KCNB2: variants seen among roughly 807,000 people sequenced by gnomAD.
KCNB2 encodes the protein delayed rectifier potassium channel protein.
KCNB2 carries 15 observed loss-of-function variants against 61.5 expected under a neutral mutation model. The observed-to-expected ratio is 0.24, with a 90% confidence interval of 0.16 to 0.38. KCNB2 has a LOEUF of 0.38. KCNB2 is among the 10% of genes least tolerant of loss of function. The pLI is 1.00. For missense variants in KCNB2, 828 were observed against 1,125.2 expected, an observed-to-expected ratio of 0.74 and a Z score of 3.78; for synonymous variants, 457 against 446.0, an observed-to-expected ratio of 1.02 and a Z score of -0.31.
chr8:72,819,666 A>G (rs780825549), intron 2 of KCNB2, among the ~76,000 whole-genome samples: 12 of 152,194 alleles, frequency 7.9e-5, no homozygotes, highest in Middle Eastern at 3.2e-3. Context: ...TAGGTGGCAC[A>G]TAGTAAGCCC....
chr8:72,802,118 C>A (rs772682830), intron 2 of KCNB2, among the ~76,000 whole-genome samples: 1 of 152,142 alleles, frequency 6.6e-6, no homozygotes, highest in Non-Finnish European at 1.5e-5. Flanking sequence ...TGACTTGCTT[C>A]TTTTCAATTG....
chr8:72,724,162 G>A (rs948547500), intron 2 of KCNB2, among the ~76,000 whole-genome samples: 1 of 152,034 alleles, frequency 6.6e-6, no homozygotes. Context: ...GTGTTATAGC[G>A]GTATTTCGTC....
chr8:72,853,512 G>C (rs1188486702), intron 2 of KCNB2, among the ~76,000 whole-genome samples: 1 of 152,140 alleles, frequency 6.6e-6, no homozygotes, highest in Non-Finnish European at 1.5e-5. Flanking sequence ...CCCTGTCTCA[G>C]GCTCTGGCTC....
chr8:72,656,971 C>T (rs1331295276), intron 2 of KCNB2, among the ~76,000 whole-genome samples: 1 of 152,102 alleles, frequency 6.6e-6, no homozygotes, highest in Non-Finnish European at 1.5e-5. Context: ...ATGGAAGTCC[C>T]AGCCTCTAAC....
At chr8:72,808,273 G>A (rs1361471603) in intron 2 of KCNB2, among the ~76,000 whole-genome samples, 1 of 152,138 alleles carries the variant, frequency 6.6e-6, no homozygotes, top group African/African-American at 2.4e-5. Flanking sequence ...TTGATCAGAA[G>A]TCAATCTAAA....
chr8:72,637,868 T>C (rs560978317), intron 2 of KCNB2, among the ~76,000 whole-genome samples: 5 of 151,940 alleles, frequency 3.3e-5, no homozygotes, highest in African/African-American at 9.7e-5. Context: ...GACAGGAAGG[T>C]AGTTGAGAGG....
At chr8:72,768,827 C>G (rs561050249) in intron 2 of KCNB2, among the ~76,000 whole-genome samples, 1 of 152,160 alleles carries the variant, frequency 6.6e-6, no homozygotes, top group South Asian at 2.1e-4. Context: ...TATTTTTCCC[C>G]CCATTAAATT....
chr8:72,903,413 G>A (rs1350687070), intron 2 of KCNB2, among the ~76,000 whole-genome samples: 3 of 152,098 alleles, frequency 2.0e-5, no homozygotes, highest in African/African-American at 7.2e-5. Flanking sequence ...GTCGCTGGCT[G>A]GACAACCTAA....
At chr8:72,763,566 C>T (rs1563583590) in intron 2 of KCNB2, among the ~76,000 whole-genome samples, 2 of 152,154 alleles carry the variant, frequency 1.3e-5, no homozygotes, top group African/African-American at 4.8e-5. Flanking sequence ...AGGAGAGAGG[C>T]ACCATTTGGT....
chr8:72,572,952 G>A (rs921726616), intron 2 of KCNB2, among the ~76,000 whole-genome samples: 3 of 152,132 alleles, frequency 2.0e-5, no homozygotes. Context: ...GAAGGGCCAG[G>A]AGACCTTAGC....
At chr8:72,581,608 T>C (rs1806899146) in intron 2 of KCNB2, among the ~76,000 whole-genome samples, 1 of 152,200 alleles carries the variant, frequency 6.6e-6, no homozygotes, top group Non-Finnish European at 1.5e-5. Flanking sequence ...CGATTAGACC[T>C]GAGTAATGCT....
chr8:72,712,835 A>G lies in KCNB2; in HGVS notation c.579+144522A>G, dbSNP rs552538071. On this transcript the variant is annotated intron_variant, in intron 2 of 2. Transcript: ENST00000523207. ...GGGTTCAGGACAGTGGGTGTAGTGC[A>G]CTGTGCATGAGCCAAAGCAGGGCGA... Among the ~76,000 whole-genome samples the G allele has an allele frequency of 3.3e-5, 5 of 152,276 alleles. No homozygotes were observed. The South Asian group carries it at 1.0e-3, about 32-fold the overall frequency.
chr8:72,894,313 G>A (rs1805952127), intron 2 of KCNB2, among the ~76,000 whole-genome samples: 1 of 152,146 alleles, frequency 6.6e-6, no homozygotes, highest in Non-Finnish European at 1.5e-5. Context: ...AAGGTGGAGG[G>A]GGAAGGAGAT....
intron 2 of KCNB2, among the ~76,000 whole-genome samples, chr8:72,761,446 T>C (rs933291138): frequency 2.0e-5 from 3 of 152,160 alleles, no homozygotes. Context: ...AAAACCCAGC[T>C]CTTTCTCTCT....
intron 2 of KCNB2, among the ~76,000 whole-genome samples, chr8:72,747,266 A>G (rs1027845790): frequency 1.3e-5 from 2 of 152,154 alleles, no homozygotes; most frequent in Non-Finnish European, 2.9e-5. Flanking sequence ...AGTTTGAATA[A>G]TTTCAGCAGG....
chr8:72,561,906 A>G (rs1209651225), intron 1 of KCNB2, among the ~76,000 whole-genome samples: 1 of 150,338 alleles, frequency 6.7e-6, no homozygotes, highest in East Asian at 2.0e-4. Flanking sequence ...AAAAATATAC[A>G]TTGATTTAAT....
At chr8:72,624,064 G>A (rs1436054142) in intron 2 of KCNB2, among the ~76,000 whole-genome samples, 1 of 152,154 alleles carries the variant, frequency 6.6e-6, no homozygotes, top group Non-Finnish European at 1.5e-5. Flanking sequence ...ACGGAATTAG[G>A]AGCCATGCCT....
At chr8:72,543,114 A>C (rs905565420) in intron 1 of KCNB2, among the ~76,000 whole-genome samples, 3 of 152,184 alleles carry the variant, frequency 2.0e-5, no homozygotes, top group African/African-American at 7.2e-5. Context: ...CCTTTTTATA[A>C]GCAGTACTTT....
At chr8:72,675,774 G>A (rs1433827060) in intron 2 of KCNB2, among the ~76,000 whole-genome samples, 1 of 152,058 alleles carries the variant, frequency 6.6e-6, no homozygotes, top group African/African-American at 2.4e-5. Context: ...GGCTGGTCTC[G>A]AGCTCCTGAC....
Sources: gnomAD v4.1 joint callset for allele counts (sites outside exome capture counted in the v4.1 genomes callset) on GRCh38, gnomAD v4.1.1 for gene constraint, MANE v1.5 for transcripts, NCBI Gene and HGNC (gene_info 2026-07-23, HGNC 2026-07-21) for gene names.